Variants in RXYLT1 observed in about 807,000 individuals in gnomAD.
The protein encoded by RXYLT1 is ribitol xylosyltransferase 1, also known as ribitol-5-phosphate xylosyltransferase 1.
Under a neutral mutation model 43.5 loss-of-function variants are expected in RXYLT1, and 41 were observed. The ratio of observed to expected loss-of-function variants is 0.94; its 90% CI spans 0.73 to 1.22. The LOEUF (loss-of-function observed/expected upper bound fraction) is 1.22, where lower values mean the gene tolerates loss of function less well. Ranked by LOEUF, RXYLT1 falls within the 50% of genes most tolerant of loss-of-function variation. The pLI is 0.00. For synonymous variants in RXYLT1, 166 were observed against 194.4 expected (o/e 0.85, Z 1.21); for missense variants, 514 against 532.0 (o/e 0.97, Z 0.33).
rs904569595 is a variant in RXYLT1 at position 63,805,463 on chromosome 12, T to G, written c.914+59T>G. The G allele has an allele frequency of 1.1e-5, 16 of 1,486,688 alleles. No homozygotes were observed. The African/African-American group carries it at 2.0e-4, about 18-fold the overall frequency. 92.1% of individuals were successfully genotyped at this position (1,486,688 alleles called of 1,614,324 possible). On this transcript the variant is annotated intron_variant, in intron 5 of 5. Coordinates refer to ENST00000261234, the MANE Select transcript of RXYLT1 (RefSeq NM_014254.3). ...GTTCTCCAGTCTGAGAGTTGCTTTA[T>G]GTAGAAACACAGGTTTCCAAAGAGG...
intron 3 of RXYLT1, among the ~76,000 whole-genome samples, chr12:63,787,283 A>T (rs964427985): frequency 6.6e-6 from 1 of 152,072 alleles, no homozygotes; most frequent in Admixed American, 6.5e-5. Flanking sequence ...ATAAAAAGCA[A>T]CTCCTCATCT....
At chr12:63,803,336 G>A (rs1333273537) in intron 4 of RXYLT1, among the ~76,000 whole-genome samples, 1 of 151,716 alleles carries the variant, frequency 6.6e-6, no homozygotes, top group East Asian at 1.9e-4. Flanking sequence ...AACCTCCTGA[G>A]AGCAGGGATT....
At position 63,802,106 on chromosome 12, in the gene RXYLT1, A is replaced by G; in HGVS notation, c.444A>G (p.Pro148=). The part of the protein sequence containing the change: ...GRTQYSFITG[P]AVIPGYFSVD... ...TTTTTAACAGCTTCATCACTGGTCC[A>G]GCTGTAATACCAGGGTACTTCTCCG... The change falls in exon 4 of 6, where the codon CCA becomes CCG. Residue 148 remains proline (P), a synonymous_variant. Transcript: ENST00000261234. 1 of 1,599,358 alleles carries G rather than the reference A, an allele frequency of 6.3e-7. No homozygotes were observed. Among genetic ancestry groups the G allele is most frequent in the Non-Finnish European group, 8.5e-7 (1 of 1,172,020 alleles).
chr12:63,790,764 G>C (rs1221758516), intron 3 of RXYLT1, among the ~76,000 whole-genome samples: 2 of 152,092 alleles, frequency 1.3e-5, no homozygotes, highest in Non-Finnish European at 2.9e-5. Flanking sequence ...ACCTGGCCTA[G>C]TTCAAATTCT....
intron 1 of RXYLT1, 54 bp downstream of exon 1, chr12:63,780,183 T>A: frequency 7.1e-7 from 1 of 1,402,648 alleles, no homozygotes; most frequent in Non-Finnish European, 9.2e-7. Context: ...CTGGGGCTGC[T>A]GGGCGGCTGG....
rs1185183592 is a variant in RXYLT1 at position 63,809,035 on chromosome 12, T to TA, written c.1279dup (p.Met427AsnfsTer5). 1.3e-6 allele frequency: 2 copies of TA among 1,580,674 alleles called. No individual in the cohort carries two copies. Among genetic ancestry groups the TA allele is most frequent in the South Asian group, 2.4e-5 (2 of 84,930 alleles). ...GGTATCAGCACTTCAAGACAGAGCTTAAAATGAAATTTACTAATATTTTAG... is the reference window on the plus strand; with the variant it reads ...GGTATCAGCACTTCAAGACAGAGCTTAAAAATGAAATTTACTAATATTTTAG... On this transcript the variant is annotated frameshift_variant, in exon 6 of 6. Transcript: ENST00000261234. LOFTEE classifies it high-confidence loss of function.
chr12:63,805,201 CAT>C (rs773106282), intron 4 of RXYLT1, 31 bp from the exon 5 acceptor site: 95 of 1,559,148 alleles, frequency 6.1e-5, no homozygotes, highest in Non-Finnish European at 7.4e-5. Context: ...AATTCTATAT[CAT>C]ATGTTAATTC....
At chr12:63,803,317 T>C (rs1898208870) in intron 4 of RXYLT1, among the ~76,000 whole-genome samples, 2 of 151,646 alleles carry the variant, frequency 1.3e-5, no homozygotes, top group African/African-American at 2.4e-5. Flanking sequence ...AAGTTGCCAC[T>C]AGTATATAAA....
intron 3 of RXYLT1, among the ~76,000 whole-genome samples, chr12:63,791,951 A>G (rs1897927141): frequency 6.6e-6 from 1 of 152,218 alleles, no homozygotes. Flanking sequence ...GTGAGACACT[A>G]TTCTCAGTGC....
At chr12:63,797,383 G>A (rs774560762) in intron 3 of RXYLT1, among the ~76,000 whole-genome samples, 3 of 152,156 alleles carry the variant, frequency 2.0e-5, no homozygotes, top group African/African-American at 4.8e-5. Flanking sequence ...TAGAGTTAGG[G>A]GTGTGGGGCC....
intron 3 of RXYLT1, 52 bp from the exon 4 acceptor site, chr12:63,802,039 C>A: frequency 2.0e-6 from 3 of 1,477,340 alleles, no homozygotes; most frequent in African/African-American, 1.4e-5. Flanking sequence ...ATACCACATA[C>A]CTTTGTTCAG....
Position 63,780,142 on chromosome 12 carries a change from C to A in RXYLT1, c.169+13C>A, listed in dbSNP as rs907884905. ...AGACGCGGCCGAGGTAGGACTGGGT[C>A]GGCGGCTTCCTTCCGGCTCTGCGCT... On this transcript the variant is annotated intron_variant, in intron 1 of 5. Transcript: ENST00000261234. The A allele has an allele frequency of 8.9e-6, 13 of 1,461,908 alleles. No individual in the cohort carries two copies. Among genetic ancestry groups the A allele is most frequent in the African/African-American group, 3.0e-5 (2 of 66,964 alleles). 90.6% of individuals were successfully genotyped at this position (1,461,908 alleles called of 1,614,324 possible). A position where few individuals can be genotyped will look rare whatever the true frequency, so the allele number is the denominator to read the frequency against.
At chr12:63,806,614 A>G (rs1898298254) in intron 5 of RXYLT1, 1 of 152,210 alleles carries the variant, frequency 6.6e-6, no homozygotes, top group Middle Eastern at 3.2e-3. Context: ...TAAAATAACA[A>G]AGGTTATTAT....
Position 63,809,097 on chromosome 12 carries a change from CTT to C in RXYLT1, c.*9_*10del, listed in dbSNP as rs757987745. 4.0e-6 allele frequency: 6 copies of C among 1,483,772 alleles called. No individual in the cohort carries two copies. The East Asian group carries it at 1.2e-4, about 29-fold the overall frequency. 91.9% of individuals were successfully genotyped at this position (1,483,772 alleles called of 1,614,324 possible). On this transcript the variant is annotated 3_prime_UTR_variant, in exon 6 of 6. Coordinates refer to ENST00000261234, the MANE Select transcript of RXYLT1 (RefSeq NM_014254.3). ...TTAATGAATAATAAAAGTTAATTAT[CTT>C]TTTGAGCTAACATGTGATTTTTAAA... is the stretch of plus-strand genomic sequence containing the variant.
intron 2 of RXYLT1, among the ~76,000 whole-genome samples, chr12:63,784,315 G>A (rs1235567838): frequency 6.6e-6 from 1 of 152,118 alleles, no homozygotes; most frequent in African/African-American, 2.4e-5. Context: ...CCAAAACAGG[G>A]TGCCCAGAGG....
chr12:63,802,460 C>A, intron 4 of RXYLT1, 55 bp downstream of exon 4: 1 of 1,453,720 alleles, frequency 6.9e-7, no homozygotes, highest in Non-Finnish European at 9.2e-7. Flanking sequence ...AATTTCTGAA[C>A]CAGGAAGACT....
chr12:63,792,721 C>T (rs1487010203), intron 3 of RXYLT1, among the ~76,000 whole-genome samples: 1 of 152,178 alleles, frequency 6.6e-6, no homozygotes, highest in Non-Finnish European at 1.5e-5. Flanking sequence ...CTCAGAACCA[C>T]CCTGTGCAGC....
chr12:63,784,869 A>G lies in RXYLT1; in HGVS notation c.326-101A>G, dbSNP rs1018703667. On this transcript the variant is annotated intron_variant, in intron 2 of 5. Coordinates refer to ENST00000261234, the MANE Select transcript of RXYLT1 (RefSeq NM_014254.3). ...CCCAAAGGAGAGGCATTCTGGTTTTATAGTCAAATGAGTAAAAGAACAGAA... is the reference window on the plus strand; with the variant it reads ...CCCAAAGGAGAGGCATTCTGGTTTTGTAGTCAAATGAGTAAAAGAACAGAA... 1.2e-4 allele frequency: 120 copies of G among 972,284 alleles called. No homozygotes were observed. In the Admixed American group the frequency reaches 2.6e-3, roughly 21 times the overall value. The allele number at this position is 972,284 out of a possible 1,614,324, so 60.2% of individuals were successfully genotyped here. A position where few individuals can be genotyped will look rare whatever the true frequency, so the allele number is the denominator to read the frequency against.
intron 2 of RXYLT1, among the ~76,000 whole-genome samples, chr12:63,784,139 T>C (rs1897749587): frequency 1.3e-5 from 2 of 152,240 alleles, no homozygotes; most frequent in African/African-American, 4.8e-5. Context: ...TCATAGATTC[T>C]AAAGATTAGA....
Sources: allele counts gnomAD v4.1 joint callset (sites outside exome capture counted in the v4.1 genomes callset), GRCh38; gene constraint gnomAD v4.1.1; transcripts MANE v1.5; gene names NCBI Gene and HGNC (gene_info 2026-07-23, HGNC 2026-07-21).